The following NXPH2 variants were observed in gnomAD, a reference collection of about 807,000 sequenced individuals.
NXPH2 encodes neurexophilin 2.
In NXPH2, 5 loss-of-function variants were observed where a neutral mutation model predicts 19.8. The ratio of observed to expected loss-of-function variants is 0.25; its 90% CI spans 0.13 to 0.53. The LOEUF (loss-of-function observed/expected upper bound fraction) is 0.53, where lower values mean the gene tolerates loss of function less well. NXPH2 is among the 20% of genes least tolerant of loss of function. NXPH2 has a pLI of 0.96. For synonymous variants in NXPH2, 154 were observed against 127.4 expected (o/e 1.21, Z -1.41); for missense variants, 289 against 322.8 (o/e 0.90, Z 0.80).
chr2:138,709,005 T>C (rs1681057837), intron 1 of NXPH2, among the ~76,000 whole-genome samples: 1 of 152,222 alleles, frequency 6.6e-6, no homozygotes, highest in Admixed American at 6.5e-5. Context: ...TTCTTTGGCA[T>C]TCTACCAAAC....
At chr2:138,728,874 C>T (rs13395186) in intron 1 of NXPH2, among the ~76,000 whole-genome samples, 4,759 of 152,258 alleles carry the variant, frequency 0.031, 260 homozygotes, top group African/African-American at 0.11. Flanking sequence ...GTCTAAATGT[C>T]GGGAATCATG....
intron 1 of NXPH2, among the ~76,000 whole-genome samples, chr2:138,769,001 G>A (rs1418229807): frequency 1.3e-5 from 2 of 152,126 alleles, no homozygotes; most frequent in East Asian, 1.9e-4. Flanking sequence ...AGGCCCCGTC[G>A]CAGTTAAGAG....
At position 138,713,791 on chromosome 2, in the gene NXPH2, G is replaced by A. The variant is rs539700366; in HGVS notation, c.52-42126C>T. Among the ~76,000 whole-genome samples, 10 of 152,182 alleles carry A rather than the reference G, an allele frequency of 6.6e-5. 1 individual carries two copies. Among genetic ancestry groups the A allele is most frequent in the South Asian group, 6.2e-4 (3 of 4,816 alleles). On this transcript the variant is annotated intron_variant, in intron 1 of 1. Coordinates refer to ENST00000272641, the MANE Select transcript of NXPH2 (RefSeq NM_007226.3). ...CTTTTGTTTCGCACCAAATCACAAC[G>A]TACTCATCAGGGGAATCCAATGTGT...
intron 1 of NXPH2, 70 bp from the exon 2 acceptor site, chr2:138,671,735 A>T: frequency 7.0e-7 from 1 of 1,426,378 alleles, no homozygotes; most frequent in Non-Finnish European, 9.4e-7. Flanking sequence ...ACTGAAGTCA[A>T]AGCGCAAGGG....
intron 1 of NXPH2, among the ~76,000 whole-genome samples, chr2:138,722,361 A>T (rs895695086): frequency 1.3e-5 from 2 of 152,234 alleles, no homozygotes; most frequent in African/African-American, 4.8e-5. Context: ...AATGCCCTAC[A>T]GCAGAAGAAA....
chr2:138,709,481 C>T (rs1681065097), intron 1 of NXPH2, among the ~76,000 whole-genome samples: 1 of 151,198 alleles, frequency 6.6e-6, no homozygotes, highest in Admixed American at 6.6e-5. Flanking sequence ...TACCACCTTT[C>T]CCCCCACCAG....
chr2:138,740,075 A>G (rs1264048888), intron 1 of NXPH2, among the ~76,000 whole-genome samples: 1 of 152,142 alleles, frequency 6.6e-6, no homozygotes, highest in East Asian at 1.9e-4. Flanking sequence ...ATATCCCCAG[A>G]AAAGACACAC....
intron 1 of NXPH2, among the ~76,000 whole-genome samples, chr2:138,772,155 T>C (rs1454498101): frequency 6.6e-6 from 1 of 152,126 alleles, no homozygotes; most frequent in African/African-American, 2.4e-5. Context: ...TGGAGTGGTA[T>C]AGGTGAGATC....
chr2:138,682,727 G>T (rs980488283), intron 1 of NXPH2, among the ~76,000 whole-genome samples: 1 of 152,146 alleles, frequency 6.6e-6, no homozygotes, highest in African/African-American at 2.4e-5. Context: ...AATCTTAGCA[G>T]TAAGAGCCAA....
chr2:138,731,751 C>T (rs369193800), intron 1 of NXPH2, among the ~76,000 whole-genome samples: 1 of 151,946 alleles, frequency 6.6e-6, no homozygotes, highest in African/African-American at 2.4e-5. Context: ...GATCAGCATT[C>T]ATTTATATAG....
chr2:138,745,984 A>G (rs557533236), intron 1 of NXPH2, among the ~76,000 whole-genome samples: 1 of 152,216 alleles, frequency 6.6e-6, no homozygotes, highest in Non-Finnish European at 1.5e-5. Context: ...CAAAATAGCC[A>G]TCCACAGATT....
At chr2:138,740,845 A>G (rs1391551645) in intron 1 of NXPH2, among the ~76,000 whole-genome samples, 2 of 151,546 alleles carry the variant, frequency 1.3e-5, no homozygotes, top group East Asian at 4.0e-4. Context: ...AATGGTATGC[A>G]TGAAGCCACG....
intron 1 of NXPH2, among the ~76,000 whole-genome samples, chr2:138,765,543 A>G (rs966460716): frequency 2.0e-5 from 3 of 152,200 alleles, no homozygotes; most frequent in Non-Finnish European, 4.4e-5. Flanking sequence ...GCATTCCAAT[A>G]TAGAATAAAA....
At chr2:138,717,497 G>C (rs572926719) in intron 1 of NXPH2, among the ~76,000 whole-genome samples, 17 of 151,502 alleles carry the variant, frequency 1.1e-4, no homozygotes, top group African/African-American at 4.1e-4. Context: ...GTGCCTTCTT[G>C]CTCTATCCTC....
chr2:138,731,882 GT>G (rs1344388647), intron 1 of NXPH2, among the ~76,000 whole-genome samples: 1 of 152,130 alleles, frequency 6.6e-6, no homozygotes, highest in African/African-American at 2.4e-5. Flanking sequence ...GGCCCCAACA[GT>G]TTTTTAGTGG....
chr2:138,779,759 G>A (rs1006840739), intron 1 of NXPH2, among the ~76,000 whole-genome samples: 14 of 152,202 alleles, frequency 9.2e-5, no homozygotes, highest in Admixed American at 5.2e-4. Context: ...TTTGGGAGAA[G>A]TGTCTGTGTG....
At chr2:138,716,664 G>A (rs960363843) in intron 1 of NXPH2, among the ~76,000 whole-genome samples, 3 of 152,162 alleles carry the variant, frequency 2.0e-5, no homozygotes, top group Admixed American at 6.5e-5. Context: ...CTGTTATCCT[G>A]AGTAGCCCCT....
intron 1 of NXPH2, among the ~76,000 whole-genome samples, chr2:138,715,392 A>G (rs1437520311): frequency 6.6e-6 from 1 of 152,242 alleles, no homozygotes; most frequent in African/African-American, 2.4e-5. Flanking sequence ...CCCTTCCTCT[A>G]GATTTAATTT....
chr2:138,701,247 T>C (rs1320568613), intron 1 of NXPH2, among the ~76,000 whole-genome samples: 1 of 152,120 alleles, frequency 6.6e-6, no homozygotes, highest in Non-Finnish European at 1.5e-5. Flanking sequence ...AGGTCAAGAA[T>C]ATCTTTAGCC....
Sources: gnomAD v4.1 joint callset for allele counts (sites outside exome capture counted in the v4.1 genomes callset) on GRCh38, gnomAD v4.1.1 for gene constraint, MANE v1.5 for transcripts, NCBI Gene and HGNC (gene_info 2026-07-23, HGNC 2026-07-21) for gene names.